DLG2: variants seen among roughly 807,000 people sequenced by gnomAD.
DLG2 encodes the protein disks large homolog 2.
Under a neutral mutation model 132.5 loss-of-function variants are expected in DLG2, and 45 were observed. The ratio of observed to expected loss-of-function variants is 0.34; its 90% CI spans 0.27 to 0.44. DLG2 has a LOEUF of 0.44. DLG2 is among the 20% of genes least tolerant of loss of function. The pLI is 1.00. For missense variants in DLG2, 1,045 were observed against 1,196.9 expected (o/e 0.87, Z 1.87); for synonymous variants, 424 against 419.6 (o/e 1.01, Z -0.13).
At chr11:83,753,334 A>T (rs1179601049) in intron 18 of DLG2, among the ~76,000 whole-genome samples, 1 of 152,130 alleles carries the variant, frequency 6.6e-6, no homozygotes, top group African/African-American at 2.4e-5. Flanking sequence ...GAGGCAAGAG[A>T]ATCCCTTGAA....
chr11:85,458,874 C>A (rs2092509512), intron 3 of DLG2, among the ~76,000 whole-genome samples: 2 of 152,134 alleles, frequency 1.3e-5, no homozygotes, highest in African/African-American at 2.4e-5. Flanking sequence ...CAAATCTTGG[C>A]TTGGGACTCT....
chr11:85,044,739 T>C (rs926779910), intron 6 of DLG2, among the ~76,000 whole-genome samples: 1 of 151,962 alleles, frequency 6.6e-6, no homozygotes, highest in African/African-American at 2.4e-5. Context: ...AGAAAAGCAA[T>C]TTCTTAACAT....
At chr11:84,323,720 C>CTTTTTTTT (rs35283044) in intron 7 of DLG2, among the ~76,000 whole-genome samples, 7 of 123,766 alleles carry the variant, frequency 5.7e-5, no homozygotes, top group Non-Finnish European at 8.5e-5. Context: ...TTCTTTTTTC[C>CTTTTTTTT]TTTTTTTTTT....
rs113837790 is a variant in DLG2, at chr11:83,562,224, G to T, written c.1941-20366C>A. On this transcript the variant is annotated intron_variant, in intron 19 of 27. Transcript: ENST00000376104. ...TTCTGTAGATAATAAAACTGTGATTGTAAGACTTAAAGTGACTCTTTATAT... is the reference window on the plus strand; with the variant it reads ...TTCTGTAGATAATAAAACTGTGATTTTAAGACTTAAAGTGACTCTTTATAT... Among the ~76,000 whole-genome samples the T allele has an allele frequency of 4.9e-3, 743 of 152,106 alleles. 7 individuals carry two copies. The highest frequency in any genetic ancestry group is 0.017 in the African/African-American group (718 of 41,478).
chr11:84,110,546 C>T (rs1232636425), intron 9 of DLG2, among the ~76,000 whole-genome samples: 2 of 152,042 alleles, frequency 1.3e-5, no homozygotes, highest in Admixed American at 6.5e-5. Context: ...GGGAAGCATC[C>T]AGAAAAGGCT....
intron 8 of DLG2, among the ~76,000 whole-genome samples, chr11:84,210,822 G>A (rs529572528): frequency 1.3e-5 from 2 of 152,298 alleles, no homozygotes; most frequent in East Asian, 1.9e-4. Context: ...TCAGGATACT[G>A]GTTGATTCTG....
At position 84,654,744 on chromosome 11, in the gene DLG2, C is replaced by T. The variant is rs566491562; in HGVS notation, c.358-120013G>A. 5.3e-5 allele frequency among the ~76,000 whole-genome samples: 8 copies of T among 152,324 alleles called. No homozygotes were observed. The East Asian group carries it at 1.4e-3, about 26-fold the overall frequency. On this transcript the variant is annotated intron_variant, in intron 6 of 27. Transcript: ENST00000376104. ...GTTTGTTGGATGCAAAGCTACCTCA[C>T]ACCAAGCCTTTGCTTCATCACATTC...
chr11:83,729,424 C>G (rs187189648), intron 18 of DLG2, among the ~76,000 whole-genome samples: 2 of 152,280 alleles, frequency 1.3e-5, no homozygotes, highest in Admixed American at 6.5e-5. Flanking sequence ...ACAGCCCGAG[C>G]CTTCCTGAAA....
At chr11:83,483,658 C>T (rs2093305557) in intron 22 of DLG2, among the ~76,000 whole-genome samples, 1 of 152,166 alleles carries the variant, frequency 6.6e-6, no homozygotes, top group Non-Finnish European at 1.5e-5. Context: ...TCCACCATTA[C>T]AAGCTCAGTG....
chr11:83,754,338 G>T (rs2093561187), intron 18 of DLG2, among the ~76,000 whole-genome samples: 1 of 150,922 alleles, frequency 6.6e-6, no homozygotes, highest in African/African-American at 2.5e-5. Flanking sequence ...CACTTATTTT[G>T]CATTAAATGT....
chr11:84,912,239 G>A (rs896052578), intron 6 of DLG2, among the ~76,000 whole-genome samples: 22 of 152,108 alleles, frequency 1.4e-4, no homozygotes, highest in African/African-American at 4.8e-4. Flanking sequence ...CACTGCAAGC[G>A]CCACCTCCTG....
chr11:85,218,446 C>CA (rs1217441681), intron 4 of DLG2, among the ~76,000 whole-genome samples: 2 of 151,778 alleles, frequency 1.3e-5, no homozygotes, highest in Non-Finnish European at 2.9e-5. Context: ...TACAAGAAGC[C>CA]AAAAAACATC....
chr11:83,978,836 C>T (rs185522690), intron 12 of DLG2, among the ~76,000 whole-genome samples: 114 of 152,184 alleles, frequency 7.5e-4, no homozygotes, highest in Admixed American at 5.3e-3. Context: ...AAAGAACTGA[C>T]TGACAAATTC....
At chr11:84,907,473 A>C (rs1940125) in intron 6 of DLG2, among the ~76,000 whole-genome samples, 137,805 of 152,198 alleles carry the variant, frequency 0.91, 62,645 homozygotes, top group East Asian at 1. Flanking sequence ...TGCAGGCCTA[A>C]CATGTGCCTG....
intron 18 of DLG2, among the ~76,000 whole-genome samples, chr11:83,763,561 T>G (rs2094007147): frequency 6.6e-6 from 1 of 152,236 alleles, no homozygotes; most frequent in Non-Finnish European, 1.5e-5. Context: ...CATGTGACTG[T>G]TCACCATGTG....
chr11:83,512,674 C>T (rs1348243998), intron 21 of DLG2, among the ~76,000 whole-genome samples: 1 of 151,784 alleles, frequency 6.6e-6, no homozygotes, highest in East Asian at 1.9e-4. Context: ...TAATGCTATC[C>T]CTCCCCCTTC....
chr11:83,738,727 C>A (rs72954544), intron 18 of DLG2, among the ~76,000 whole-genome samples: 23,093 of 152,044 alleles, frequency 0.15, 2,223 homozygotes, highest in African/African-American at 0.27. Flanking sequence ...TCCTAATTAC[C>A]AAGTGTTGTC....
intron 6 of DLG2, among the ~76,000 whole-genome samples, chr11:85,012,298 G>A (rs61909109): frequency 1.3e-5 from 1 of 74,206 alleles, no homozygotes; most frequent in South Asian, 4.1e-4. Context: ...AAGCTAAGGC[G>A]GGTGGATCAC....
rs1451476746 is a variant in DLG2 at position 84,137,355 on chromosome 11, A to G, written c.624+26106T>C. On this transcript the variant is annotated intron_variant, in intron 9 of 27. Coordinates refer to ENST00000376104, the MANE Select transcript of DLG2 (RefSeq NM_001142699.3). ...TAAAGAGAAAAAAATAGCCCCATGT[A>G]TTCACAAAGAAGCTGAGTTTTCTGT... is the stretch of plus-strand genomic sequence containing the variant. Among the ~76,000 whole-genome samples the G allele has an allele frequency of 2.0e-5, 3 of 152,258 alleles. 1 individual carries two copies. The Middle Eastern group carries it at 0.01, about 518-fold the overall frequency.
Sources: gnomAD v4.1 joint callset for allele counts (sites outside exome capture counted in the v4.1 genomes callset) on GRCh38, gnomAD v4.1.1 for gene constraint, MANE v1.5 for transcripts, NCBI Gene and HGNC (gene_info 2026-07-23, HGNC 2026-07-21) for gene names.